NTN1: variants seen among roughly 807,000 people sequenced by gnomAD.
NTN1 encodes the protein netrin 1, also known as netrin-1.
NTN1 carries 11 observed loss-of-function variants against 54.2 expected under a neutral mutation model. The observed-to-expected ratio is 0.20, with a 90% CI of 0.13 to 0.34. NTN1 has a LOEUF of 0.34. Among genes scored for constraint, NTN1 ranks in the 10% least tolerant of loss-of-function variants. The probability of loss-of-function intolerance (pLI) is 1.00; values close to 1 mark genes in which losing one functional copy is unlikely to be tolerated. For missense variants in NTN1, 740 were observed against 893.1 expected, an observed-to-expected ratio of 0.83 and a Z score of 2.18; for synonymous variants, 371 against 382.0, an observed-to-expected ratio of 0.97 and a Z score of 0.33.
intron 2 of NTN1, among the ~76,000 whole-genome samples, chr17:9,115,773 G>A (rs993740003): frequency 3.3e-5 from 5 of 152,222 alleles, no homozygotes; most frequent in African/African-American, 7.2e-5. Flanking sequence ...TGGAGGCGCC[G>A]GGGCAGCCTT....
At position 9,211,101 on chromosome 17, in the gene NTN1, A is replaced by G. The variant is rs1206263336; in HGVS notation, c.1412-10067A>G. On this transcript the variant is annotated intron_variant, in intron 5 of 6. Transcript: ENST00000173229. The surrounding 1 kb of genome is among the most constrained non-coding windows in gnomAD (Gnocchi z 4.4). ...CTGGCACATGCTATTCTTCTAGAAT[A>G]AAATCCAAACCCCTGCCATTGTTGA... is the stretch of plus-strand genomic sequence containing the variant. Among the ~76,000 whole-genome samples, 1 of 152,154 alleles carries G rather than the reference A, an allele frequency of 6.6e-6. No homozygotes were observed. Among genetic ancestry groups the G allele is most frequent in the Non-Finnish European group, 1.5e-5 (1 of 68,026 alleles).
At chr17:9,039,504 A>G (rs1203150764) in intron 2 of NTN1, among the ~76,000 whole-genome samples, 1 of 152,128 alleles carries the variant, frequency 6.6e-6, no homozygotes, top group Non-Finnish European at 1.5e-5. Context: ...TTTTTTTTAC[A>G]GATTTATTGA....
chr17:9,176,664 G>T (rs2092400857), intron 3 of NTN1: 1 of 152,242 alleles, frequency 6.6e-6, no homozygotes, highest in Non-Finnish European at 1.5e-5. Context: ...TTTGGCTGGA[G>T]ATTGAGAATG....
chr17:9,162,771 C>T (rs1403571462), intron 2 of NTN1, 42 bp from the exon 3 acceptor site: 20 of 1,565,874 alleles, frequency 1.3e-5, no homozygotes, highest in Admixed American at 1.7e-5. Context: ...CTGTCCTCCC[C>T]GCGCCCCTGC....
intron 2 of NTN1, among the ~76,000 whole-genome samples, chr17:9,078,895 T>C (rs756797690): frequency 6.6e-6 from 1 of 152,232 alleles, no homozygotes; most frequent in Non-Finnish European, 1.5e-5. Context: ...TTTCTACGCT[T>C]CTCTTTTACT....
At chr17:9,099,945 A>G (rs2092144290) in intron 2 of NTN1, among the ~76,000 whole-genome samples, 1 of 152,204 alleles carries the variant, frequency 6.6e-6, no homozygotes, top group African/African-American at 2.4e-5. Flanking sequence ...ACCTAGGAAC[A>G]ATGATAATTA....
intron 3 of NTN1, among the ~76,000 whole-genome samples, chr17:9,167,699 G>A (rs190821046): frequency 1.3e-5 from 2 of 152,274 alleles, no homozygotes; most frequent in African/African-American, 4.8e-5. Context: ...TGCTACTTCC[G>A]TCCACCCCTT....
chr17:9,180,104 T>C (rs1567730810), intron 4 of NTN1, 148 bp downstream of exon 4: 2 of 819,480 alleles, frequency 2.4e-6, no homozygotes, highest in African/African-American at 1.8e-5. Flanking sequence ...AGTGGCACGA[T>C]CTCAGCTCAC....
chr17:9,178,600 C>T (rs1418399200), intron 3 of NTN1, among the ~76,000 whole-genome samples: 2 of 152,236 alleles, frequency 1.3e-5, no homozygotes, highest in Non-Finnish European at 2.9e-5. Flanking sequence ...GCTTCAGAGC[C>T]TCTGCTCTCA....
At chr17:9,200,854 G>GT (rs1198736994) in intron 5 of NTN1, among the ~76,000 whole-genome samples, 1 of 152,182 alleles carries the variant, frequency 6.6e-6, no homozygotes. Flanking sequence ...ATTGTTAATT[G>GT]TTAACTAAAT....
chr17:9,238,602 C>T (rs1209335399), intron 6 of NTN1, among the ~76,000 whole-genome samples: 2 of 152,188 alleles, frequency 1.3e-5, no homozygotes, highest in East Asian at 3.8e-4. Flanking sequence ...TCTGCAGTCA[C>T]AGTTGTTTGA....
chr17:9,234,843 C>T (rs1343187595), intron 6 of NTN1, among the ~76,000 whole-genome samples: 1 of 152,204 alleles, frequency 6.6e-6, no homozygotes. Context: ...TAACATCTGC[C>T]TCATTGACTT....
intron 2 of NTN1, among the ~76,000 whole-genome samples, chr17:9,029,764 C>T (rs1314282827): frequency 2.6e-5 from 4 of 152,138 alleles, no homozygotes; most frequent in African/African-American, 4.8e-5. Flanking sequence ...GAGGTTGAGG[C>T]GGGCAGATCA....
intron 6 of NTN1, among the ~76,000 whole-genome samples, chr17:9,224,650 C>CA (rs1905474715): frequency 6.6e-6 from 1 of 152,232 alleles, no homozygotes; most frequent in Non-Finnish European, 1.5e-5. Context: ...ACAATTCCTC[C>CA]AGAGAGCTGC....
chr17:9,035,171 C>T (rs2091899805), intron 2 of NTN1, among the ~76,000 whole-genome samples: 1 of 152,106 alleles, frequency 6.6e-6, no homozygotes, highest in African/African-American at 2.4e-5. Flanking sequence ...TGGTCTCGAT[C>T]TCCTGACCTT....
chr17:9,216,743 G>A (rs1395256023), intron 5 of NTN1, among the ~76,000 whole-genome samples: 1 of 152,158 alleles, frequency 6.6e-6, no homozygotes, highest in Non-Finnish European at 1.5e-5. Context: ...CAATGATTTA[G>A]ATAGAAATAC....
rs1905289776 is a variant in NTN1, at chr17:9,219,755, C to T, written c.1412-1413C>T. 6.6e-6 allele frequency among the ~76,000 whole-genome samples: 1 copy of T among 152,212 alleles called. No individual in the cohort carries two copies. Among genetic ancestry groups the T allele is most frequent in the Admixed American group, 6.5e-5 (1 of 15,286 alleles). The stretch of plus-strand genomic sequence containing the variant: ...CCTTGTGCTCCCACACAAATCACTC[C>T]TCCCCTACCTTGACCTTTGTTTTCC... On this transcript the variant is annotated intron_variant, in intron 5 of 6. Transcript: ENST00000173229. This position sits in a 1 kb window ranked among gnomAD's most constrained non-coding sequence, Gnocchi z 4.5.
At chr17:9,037,018 CT>C (rs550098059) in intron 2 of NTN1, among the ~76,000 whole-genome samples, 137 of 152,298 alleles carry the variant, frequency 9.0e-4, no homozygotes, top group African/African-American at 3.3e-3. Context: ...CTGGTCTTCT[CT>C]CTTTAAATCA....
At chr17:9,150,298 A>C (rs2092323679) in intron 2 of NTN1, among the ~76,000 whole-genome samples, 1 of 152,232 alleles carries the variant, frequency 6.6e-6, no homozygotes, top group African/African-American at 2.4e-5. Flanking sequence ...AAAGGCAAGA[A>C]AGTTTGCATC....
Sources: allele counts gnomAD v4.1 joint callset (sites outside exome capture counted in the v4.1 genomes callset), GRCh38; gene constraint gnomAD v4.1.1; non-coding constraint Gnocchi (gnomAD v3.1); transcripts MANE v1.5; gene names NCBI Gene and HGNC (gene_info 2026-07-23, HGNC 2026-07-21).